EYS: variants seen among roughly 807,000 people sequenced by gnomAD.
The protein encoded by EYS is EGF-like photoreceptor maintenance factor.
A neutral mutation model predicts 282.1 loss-of-function variants in EYS; 250 were observed. The observed-to-expected ratio is 0.89, with a 90% CI of 0.80 to 0.98. EYS has a LOEUF of 0.98. Ranked by LOEUF, EYS falls within the 50% of genes least tolerant of loss-of-function variation. The pLI, the probability that EYS is intolerant of heterozygous loss-of-function variation, is 0.00. For missense variants in EYS, 4,016 were observed against 3,709.0 expected (o/e 1.08, Z -2.15); for synonymous variants, 1,355 against 1,282.9 (o/e 1.06, Z -1.20).
At chr6:64,311,859 C>A (rs1769719727) in intron 29 of EYS, among the ~76,000 whole-genome samples, 1 of 152,104 alleles carries the variant, frequency 6.6e-6, no homozygotes, top group African/African-American at 2.4e-5. Context: ...GTGCTTTTCC[C>A]ACAGTCTTCA....
At chr6:64,763,019 G>A (rs891332015) in intron 22 of EYS, among the ~76,000 whole-genome samples, 6 of 152,126 alleles carry the variant, frequency 3.9e-5, no homozygotes, top group Admixed American at 3.3e-4. Flanking sequence ...CTTTCTGAAT[G>A]GGAATTATGA....
intron 33 of EYS, among the ~76,000 whole-genome samples, chr6:64,039,706 G>C (rs914773844): frequency 6.6e-6 from 1 of 152,156 alleles, no homozygotes; most frequent in Non-Finnish European, 1.5e-5. Flanking sequence ...TTTATGAAAT[G>C]AATGTGTGGT....
At chr6:63,946,191 A>G (rs1562109163) in intron 35 of EYS, among the ~76,000 whole-genome samples, 2 of 152,188 alleles carry the variant, frequency 1.3e-5, no homozygotes, top group Non-Finnish European at 2.9e-5. Context: ...GCCCAGCCCA[A>G]TGCTTGTATT....
intron 36 of EYS, among the ~76,000 whole-genome samples, chr6:63,829,591 C>A (rs1771569997): frequency 6.6e-6 from 1 of 152,230 alleles, no homozygotes; most frequent in Non-Finnish European, 1.5e-5. Context: ...GAAACCACTG[C>A]AGCTCAAGGA....
intron 30 of EYS, among the ~76,000 whole-genome samples, chr6:64,269,402 A>G (rs944811229): frequency 1.1e-4 from 17 of 152,140 alleles, no homozygotes; most frequent in Non-Finnish European, 2.2e-4. Context: ...GATTAATGCT[A>G]CATCACTTCA....
At position 64,275,408 on chromosome 6, in the gene EYS, G is replaced by T. The variant is rs150591042; in HGVS notation, c.6191+31562C>A. 8.6e-3 allele frequency among the ~76,000 whole-genome samples: 1,301 copies of T among 151,144 alleles called. 26 individuals are homozygous for T. The highest frequency in any genetic ancestry group is 0.029 in the African/African-American group (1,192 of 41,182). On this transcript the variant is annotated intron_variant, in intron 30 of 42. Transcript: ENST00000503581. Reference sequence around the variant, plus strand: ...ATTCTAGATTATCTGTATTTTGATAGAATCAGAACCAATTACAAATGCACA... The same window carrying T: ...ATTCTAGATTATCTGTATTTTGATATAATCAGAACCAATTACAAATGCACA...
At chr6:63,826,085 T>C (rs547559985) in intron 36 of EYS, among the ~76,000 whole-genome samples, 1 of 152,276 alleles carries the variant, frequency 6.6e-6, no homozygotes, top group Non-Finnish European at 1.5e-5. Context: ...TGGACACTTT[T>C]AGAAATGTAA....
At chr6:64,986,950 T>C (rs555333014) in intron 14 of EYS, among the ~76,000 whole-genome samples, 1 of 151,382 alleles carries the variant, frequency 6.6e-6, no homozygotes, top group Admixed American at 6.6e-5. Context: ...AAGAAGAGAG[T>C]ACTCTCTTTT....
At chr6:64,605,515 T>C (rs915920718) in intron 24 of EYS, among the ~76,000 whole-genome samples, 11 of 151,850 alleles carry the variant, frequency 7.2e-5, no homozygotes. Flanking sequence ...GACTAATATA[T>C]ATAGTTATAT....
intron 35 of EYS, among the ~76,000 whole-genome samples, chr6:63,898,364 G>A (rs993903809): frequency 6.6e-5 from 10 of 152,058 alleles, no homozygotes; most frequent in African/African-American, 2.4e-4. Flanking sequence ...GGTGGCGCAT[G>A]TCTGTAATCC....
intron 12 of EYS, among the ~76,000 whole-genome samples, chr6:65,232,461 A>C (rs1165536462): frequency 6.6e-6 from 1 of 152,072 alleles, no homozygotes; most frequent in Non-Finnish European, 1.5e-5. Context: ...CAAATTTCTT[A>C]ACATGCTCTA....
chr6:64,215,472 T>C (rs1476451924), intron 31 of EYS, among the ~76,000 whole-genome samples: 1 of 152,072 alleles, frequency 6.6e-6, no homozygotes, highest in Admixed American at 6.6e-5. Flanking sequence ...GAAATGAATA[T>C]AAAATTTTAA....
chr6:65,682,005 T>A (rs1360133816), intron 1 of EYS, among the ~76,000 whole-genome samples: 1 of 151,988 alleles, frequency 6.6e-6, no homozygotes, highest in East Asian at 1.9e-4. Context: ...TAGTCTTCAA[T>A]ACTTTTCCAC....
At chr6:65,173,293 G>A (rs1020774019) in intron 12 of EYS, among the ~76,000 whole-genome samples, 2 of 151,310 alleles carry the variant, frequency 1.3e-5, no homozygotes, top group Non-Finnish European at 3.0e-5. Context: ...TATAGATCAC[G>A]TTCTGTAGAA....
intron 36 of EYS, among the ~76,000 whole-genome samples, chr6:63,841,310 A>G (rs928601876): frequency 6.6e-6 from 1 of 152,140 alleles, no homozygotes; most frequent in Non-Finnish European, 1.5e-5. Flanking sequence ...TGTATTTGAA[A>G]CATATTCATG....
At chr6:64,928,665 GA>G (rs1378755401) in intron 15 of EYS, among the ~76,000 whole-genome samples, 2 of 151,932 alleles carry the variant, frequency 1.3e-5, no homozygotes, top group African/African-American at 4.8e-5. Flanking sequence ...TAAAAAAGAA[GA>G]AAACAAGCAA....
intron 22 of EYS, among the ~76,000 whole-genome samples, chr6:64,653,275 T>C (rs998667500): frequency 6.6e-6 from 1 of 152,242 alleles, no homozygotes; most frequent in Admixed American, 6.5e-5. Context: ...TGATAACACC[T>C]TGATTTCAGA....
chr6:65,096,429 C>G (rs1774742022), intron 12 of EYS, among the ~76,000 whole-genome samples: 2 of 150,756 alleles, frequency 1.3e-5, no homozygotes, highest in African/African-American at 4.8e-5. Context: ...ACAAAGTGAT[C>G]TACAGATTCA....
At chr6:65,190,323 ATATAT>A (rs1354880359) in intron 12 of EYS, among the ~76,000 whole-genome samples, 3 of 148,298 alleles carry the variant, frequency 2.0e-5, no homozygotes, top group South Asian at 2.1e-4. Context: ...TAAAATATTT[ATATAT>A]TATATTTTAT....
Sources: allele counts gnomAD v4.1 joint callset (sites outside exome capture counted in the v4.1 genomes callset), GRCh38; gene constraint gnomAD v4.1.1; transcripts MANE v1.5; gene names NCBI Gene and HGNC (gene_info 2026-07-23, HGNC 2026-07-21).